The following SEZ6L variants were observed in gnomAD, a reference collection of about 807,000 sequenced individuals.
SEZ6L encodes seizure related 6 homolog like.
In SEZ6L, 37 loss-of-function variants were observed where a neutral mutation model predicts 106.2. That is an observed-to-expected ratio of 0.35 (90% CI 0.27 to 0.46). The LOEUF is 0.46. SEZ6L is among the 20% of genes least tolerant of loss of function. The pLI is 1.00. For missense variants in SEZ6L, 1,172 were observed against 1,332.8 expected (o/e 0.88, Z 1.88); for synonymous variants, 541 against 570.4 (o/e 0.95, Z 0.73).
chr22:26,318,409 C>CAA (rs10630741), intron 9 of SEZ6L, among the ~76,000 whole-genome samples: 5,386 of 146,066 alleles, frequency 0.037, 341 homozygotes, highest in African/African-American at 0.13. Context: ...TCCCCTCCTC[C>CAA]AAAAAAAAAA....
At chr22:26,236,591 T>TTAG (rs2078964784) in intron 1 of SEZ6L, among the ~76,000 whole-genome samples, 1 of 138,376 alleles carries the variant, frequency 7.2e-6, no homozygotes, top group Non-Finnish European at 1.6e-5. Context: ...AAGTTGGTTA[T>TTAG]AGACTAAACC....
intron 3 of SEZ6L, among the ~76,000 whole-genome samples, chr22:26,294,700 A>G (rs2081239713): frequency 6.8e-6 from 1 of 146,136 alleles, no homozygotes; most frequent in African/African-American, 2.6e-5. Flanking sequence ...ACACACATAC[A>G]CACACGCATG....
chr22:26,212,578 A>T (rs1203793084), intron 1 of SEZ6L, among the ~76,000 whole-genome samples: 1 of 152,072 alleles, frequency 6.6e-6, no homozygotes, highest in Non-Finnish European at 1.5e-5. Flanking sequence ...ATGCGCCACC[A>T]TGCCCGCCCA....
At chr22:26,225,232 G>C (rs1445700365) in intron 1 of SEZ6L, among the ~76,000 whole-genome samples, 1 of 152,204 alleles carries the variant, frequency 6.6e-6, no homozygotes, top group African/African-American at 2.4e-5. Flanking sequence ...CAGATGACTT[G>C]TCACACCAAA....
At chr22:26,348,425 A>T (rs911813400) in intron 11 of SEZ6L, among the ~76,000 whole-genome samples, 15 of 148,752 alleles carry the variant, frequency 1.0e-4, no homozygotes, top group Non-Finnish European at 2.1e-4. Flanking sequence ...GATTGCTGGA[A>T]CGCAGGTGTT....
At chr22:26,281,353 T>TTTTCTTTTC (rs1188063151) in intron 1 of SEZ6L, among the ~76,000 whole-genome samples, 1 of 151,562 alleles carries the variant, frequency 6.6e-6, no homozygotes, top group Non-Finnish European at 1.5e-5. Flanking sequence ...AATAAGTTTC[T>TTTTCTTTTC]TTTCTTTTCT....
chr22:26,231,817 C>T (rs2078806464), intron 1 of SEZ6L, among the ~76,000 whole-genome samples: 1 of 152,190 alleles, frequency 6.6e-6, no homozygotes, highest in South Asian at 2.1e-4. Flanking sequence ...AGCAAGTGAC[C>T]ACTGGTCAAA....
intron 1 of SEZ6L, among the ~76,000 whole-genome samples, chr22:26,192,198 G>A (rs992599242): frequency 1.3e-5 from 2 of 152,178 alleles, no homozygotes; most frequent in Non-Finnish European, 2.9e-5. Flanking sequence ...ACCTGTTGAT[G>A]AATCCATTCC....
At chr22:26,359,300 C>T (rs543238321) in intron 12 of SEZ6L, among the ~76,000 whole-genome samples, 1 of 152,316 alleles carries the variant, frequency 6.6e-6, no homozygotes, top group Admixed American at 6.5e-5. Flanking sequence ...CAAATTGCAG[C>T]TCAGCCACTT....
chr22:26,206,576 A>G (rs1941283703), intron 1 of SEZ6L, among the ~76,000 whole-genome samples: 1 of 152,250 alleles, frequency 6.6e-6, no homozygotes, highest in South Asian at 2.1e-4. Flanking sequence ...TCAAAACCAC[A>G]GCCATCTGAT....
intron 12 of SEZ6L, among the ~76,000 whole-genome samples, chr22:26,355,557 C>G (rs590671): frequency 0.54 from 82,685 of 151,992 alleles, 22,928 homozygotes; most frequent in Admixed American, 0.6. Context: ...GGTGAAACCC[C>G]CGTCTCTACT....
intron 1 of SEZ6L, among the ~76,000 whole-genome samples, chr22:26,193,458 C>T (rs1940374429): frequency 6.6e-6 from 1 of 152,160 alleles, no homozygotes; most frequent in Non-Finnish European, 1.5e-5. Context: ...CAATGTGGTT[C>T]TGCTATCACA....
chr22:26,277,128 C>A (rs1383201864), intron 1 of SEZ6L, among the ~76,000 whole-genome samples: 1 of 147,392 alleles, frequency 6.8e-6, no homozygotes, highest in African/African-American at 2.5e-5. Context: ...TTTAATATAG[C>A]CTCTCTCTCA....
In SEZ6L at chr22:26,282,305, A is replaced by G. The variant is rs2080797399; in HGVS notation, c.95-10101A>G. 2.6e-5 allele frequency among the ~76,000 whole-genome samples: 4 copies of G among 152,326 alleles called. No individual in the cohort carries two copies. The South Asian group carries it at 6.2e-4, about 24-fold the overall frequency. On this transcript the variant is annotated intron_variant, in intron 1 of 16. Coordinates refer to ENST00000248933, the MANE Select transcript of SEZ6L (RefSeq NM_021115.5). ...ATGTTGTTTCCAGATTTTTGCTACT[A>G]TAAACAATGCTTTGTATTGTGAACA... is the stretch of plus-strand genomic sequence containing the variant.
At position 26,348,569 on chromosome 22, in the gene SEZ6L, A is replaced by G. The variant is rs1204323138; in HGVS notation, c.2407+656A>G. On this transcript the variant is annotated intron_variant, in intron 11 of 16. Coordinates refer to ENST00000248933, the MANE Select transcript of SEZ6L (RefSeq NM_021115.5). Reference sequence around the variant, plus strand: ...AGGAAGGAAGGAAGGAAGGGAGGAAAGAAAGAAAGAAAGAAAGAGAAAGAA... The same window carrying G: ...AGGAAGGAAGGAAGGAAGGGAGGAAGGAAAGAAAGAAAGAAAGAGAAAGAA... Among the ~76,000 whole-genome samples, 100 of 86,482 alleles carry G rather than the reference A, an allele frequency of 1.2e-3. 1 individual carries two copies. Among genetic ancestry groups the G allele is most frequent in the African/African-American group, 4.0e-3 (50 of 12,426 alleles). 56.7% of individuals were successfully genotyped at this position (86,482 alleles called of 152,430 possible). A position where few individuals can be genotyped will look rare whatever the true frequency, so the allele number is the denominator to read the frequency against.
intron 9 of SEZ6L, among the ~76,000 whole-genome samples, chr22:26,329,794 G>A: frequency 6.6e-6 from 1 of 152,214 alleles, no homozygotes; most frequent in East Asian, 1.9e-4. Flanking sequence ...CTGACTGTGT[G>A]GGTGAGGGGA....
rs112422707 is a variant in SEZ6L, at chr22:26,296,956, C to T, written c.1038C>T (p.Thr346=). The part of the protein sequence containing the change: ...SIRGVDGPTL[T]VLANQTLLVE... Reference sequence around the variant, plus strand: ...GCGGGGTGGACGGCCCTACCCTGACCGTCCTGGCCAACCAGACACTCCTGG... The same window carrying T: ...GCGGGGTGGACGGCCCTACCCTGACTGTCCTGGCCAACCAGACACTCCTGG... Residue 346 remains threonine, a synonymous_variant, in exon 4 of 17, where the codon ACC becomes ACT. Coordinates refer to ENST00000248933, the MANE Select transcript of SEZ6L (RefSeq NM_021115.5). 2,251 of 1,614,074 alleles carry T rather than the reference C, an allele frequency of 1.4e-3. 28 individuals are homozygous for T. The African/African-American group carries it at 0.026, about 18-fold the overall frequency.
At chr22:26,217,695 G>A (rs145902011) in intron 1 of SEZ6L, among the ~76,000 whole-genome samples, 338 of 152,354 alleles carry the variant, frequency 2.2e-3, no homozygotes, top group African/African-American at 7.9e-3. Flanking sequence ...GGATGACAAG[G>A]CCCCACGGTT....
At chr22:26,342,621 A>G (rs749008701) in intron 10 of SEZ6L, among the ~76,000 whole-genome samples, 1 of 152,080 alleles carries the variant, frequency 6.6e-6, no homozygotes, top group African/African-American at 2.4e-5. Context: ...GCTTGAGCCC[A>G]GGAAGCAGAG....
Sources: allele counts gnomAD v4.1 joint callset (sites outside exome capture counted in the v4.1 genomes callset), GRCh38; gene constraint gnomAD v4.1.1; transcripts MANE v1.5; gene names NCBI Gene and HGNC (gene_info 2026-07-23, HGNC 2026-07-21).